SUDS3: variants seen among roughly 807,000 people sequenced by gnomAD.
The protein encoded by SUDS3 is sin3 histone deacetylase corepressor complex component SDS3.
SUDS3 carries 23 observed loss-of-function variants against 53.5 expected under a neutral mutation model. The ratio of observed to expected loss-of-function variants is 0.43; its 90% CI spans 0.31 to 0.61. The LOEUF is 0.61. SUDS3 is among the 20% of genes least tolerant of loss of function. The probability of loss-of-function intolerance (pLI) is 0.10; values close to 1 mark genes in which losing one functional copy is unlikely to be tolerated. For synonymous variants in SUDS3, 150 were observed against 148.5 expected, an observed-to-expected ratio of 1.01 and a Z score of -0.08; for missense variants, 291 against 405.9, an observed-to-expected ratio of 0.72 and a Z score of 2.43.
intron 6 of SUDS3, among the ~76,000 whole-genome samples, chr12:118,398,665 C>CT: frequency 7.8e-6 from 1 of 128,490 alleles, no homozygotes. Flanking sequence ...ATGACATGCT[C>CT]TAAGATCCTG....
chr12:118,377,995 G>A (rs973388355), intron 1 of SUDS3, among the ~76,000 whole-genome samples: 6 of 152,122 alleles, frequency 3.9e-5, no homozygotes, highest in African/African-American at 1.2e-4. Context: ...CAAAGTTGAG[G>A]GACTGCATTC....
rs2046404971 is a variant in SUDS3, at chr12:118,416,819, A to T, written c.*2386A>T. On this transcript the variant is annotated 3_prime_UTR_variant, in exon 12 of 12. Transcript: ENST00000543473. The stretch of plus-strand genomic sequence containing the variant: ...CTAGACGAGAAGGAGGCTAGCTTCT[A>T]GCCTGGGTGGCCATTATTCCAAAAG... 6.6e-6 allele frequency: 1 copy of T among 152,228 alleles called. No individual in the cohort carries two copies. The highest frequency in any genetic ancestry group is 1.5e-5 in the Non-Finnish European group (1 of 68,032). 9.4% of individuals were successfully genotyped at this position (152,228 alleles called of 1,614,324 possible).
Position 118,376,581 on chromosome 12 carries a change from T to A in SUDS3, c.-111T>A. The A allele has an allele frequency of 1.6e-6, 2 of 1,233,588 alleles. No homozygotes were observed. The highest frequency in any genetic ancestry group is 2.0e-6 in the Non-Finnish European group (2 of 981,800). The allele number at this position is 1,233,588 out of a possible 1,614,324, so 76.4% of individuals were successfully genotyped here. A position where few individuals can be genotyped will look rare whatever the true frequency, so the allele number is the denominator to read the frequency against. On this transcript the variant is annotated 5_prime_UTR_variant, in exon 1 of 12. Coordinates refer to ENST00000543473, the MANE Select transcript of SUDS3 (RefSeq NM_022491.3). ...GAGACGGGGAAGGGGTCGCCGTGGCTGCCGGTCCTCGAGTTGGGGGCTGCC... is the reference window on the plus strand; with the variant it reads ...GAGACGGGGAAGGGGTCGCCGTGGCAGCCGGTCCTCGAGTTGGGGGCTGCC...
At chr12:118,385,124 T>C (rs1460101354) in intron 3 of SUDS3, among the ~76,000 whole-genome samples, 2 of 152,044 alleles carry the variant, frequency 1.3e-5, no homozygotes, top group African/African-American at 4.8e-5. Context: ...TTTTTTTTTT[T>C]TCGAGGCTGA....
At chr12:118,385,240 C>T (rs556784710) in intron 3 of SUDS3, among the ~76,000 whole-genome samples, 1 of 152,224 alleles carries the variant, frequency 6.6e-6, no homozygotes, top group South Asian at 2.1e-4. Flanking sequence ...TCCCGAGTAG[C>T]TGGGATTACA....
chr12:118,411,605 C>T (rs1050492922), intron 11 of SUDS3, among the ~76,000 whole-genome samples: 7 of 152,182 alleles, frequency 4.6e-5, no homozygotes, highest in African/African-American at 1.4e-4. Context: ...TCAAGTGATT[C>T]TCCTGCCTCA....
chr12:118,396,689 G>C lies in SUDS3; in HGVS notation c.518-3970G>C, dbSNP rs1357067708. Among the ~76,000 whole-genome samples, 5 of 152,340 alleles carry C rather than the reference G, an allele frequency of 3.3e-5. No individual in the cohort carries two copies. The South Asian group carries it at 1.0e-3, about 32-fold the overall frequency. On this transcript the variant is annotated intron_variant, in intron 6 of 11. Coordinates refer to ENST00000543473, the MANE Select transcript of SUDS3 (RefSeq NM_022491.3). Reference sequence around the variant, plus strand: ...TTCCTGCCGTTGTACACTATAGGCAGGTATGCTGTTGGAAATGAATGAATG... The same window carrying C: ...TTCCTGCCGTTGTACACTATAGGCACGTATGCTGTTGGAAATGAATGAATG...
Position 118,403,537 on chromosome 12 carries a change from G to A in SUDS3, c.803+20G>A. 3 of 1,592,004 alleles carry A rather than the reference G, an allele frequency of 1.9e-6. No individual in the cohort carries two copies. The highest frequency in any genetic ancestry group is 1.7e-6 in the Non-Finnish European group (2 of 1,165,142). ...AAGATGGTATGTTATGGGAAAACCT[G>A]GACTAGTAAGAGTCTCATATGAACC... On this transcript the variant is annotated intron_variant, in intron 10 of 11. Transcript: ENST00000543473.
intron 6 of SUDS3, among the ~76,000 whole-genome samples, chr12:118,392,866 A>G (rs541455242): frequency 1.3e-5 from 2 of 152,352 alleles, no homozygotes; most frequent in East Asian, 3.9e-4. Context: ...TTGACAAGCG[A>G]TAGACATTGT....
intron 6 of SUDS3, among the ~76,000 whole-genome samples, chr12:118,393,827 C>T (rs865870011): frequency 1.3e-5 from 2 of 151,908 alleles, no homozygotes; most frequent in African/African-American, 2.4e-5. Context: ...TGCACCACCA[C>T]GCCCGGCTAA....
chr12:118,407,125 CCTGAG>C (rs1443705236), intron 10 of SUDS3, among the ~76,000 whole-genome samples: 1 of 152,054 alleles, frequency 6.6e-6, no homozygotes, highest in East Asian at 1.9e-4. Flanking sequence ...TCCTCAAACT[CCTGAG>C]CTGAAGTGAT....
intron 10 of SUDS3, among the ~76,000 whole-genome samples, chr12:118,405,868 C>T (rs1022509490): frequency 6.6e-6 from 1 of 152,148 alleles, no homozygotes; most frequent in Non-Finnish European, 1.5e-5. Context: ...GCTGAGAGGT[C>T]AGCTACATTG....
chr12:118,383,266 A>G (rs1350213002), intron 2 of SUDS3, among the ~76,000 whole-genome samples: 1 of 152,208 alleles, frequency 6.6e-6, no homozygotes, highest in African/African-American at 2.4e-5. Flanking sequence ...TGTTTTTATC[A>G]CTGTTAAATT....
intron 6 of SUDS3, among the ~76,000 whole-genome samples, chr12:118,393,080 T>C (rs2046182267): frequency 6.6e-6 from 1 of 152,174 alleles, no homozygotes; most frequent in Non-Finnish European, 1.5e-5. Flanking sequence ...TTTGATACCC[T>C]TGGTATGGAA....
intron 1 of SUDS3, among the ~76,000 whole-genome samples, chr12:118,379,054 C>T (rs2046029774): frequency 6.6e-6 from 1 of 151,382 alleles, no homozygotes; most frequent in Non-Finnish European, 1.5e-5. Flanking sequence ...TCAGGTGATT[C>T]TCCTGCTTTG....
intron 6 of SUDS3, among the ~76,000 whole-genome samples, chr12:118,392,516 C>T (rs2046176547): frequency 6.6e-6 from 1 of 152,166 alleles, no homozygotes; most frequent in Non-Finnish European, 1.5e-5. Context: ...CTGAAAGCAG[C>T]TCAGAAATGT....
At chr12:118,386,506 C>T (rs139496571) in intron 4 of SUDS3, among the ~76,000 whole-genome samples, 10 of 151,220 alleles carry the variant, frequency 6.6e-5, no homozygotes, top group East Asian at 1.9e-4. Flanking sequence ...GTCAGAAGTG[C>T]GGATGAGGAA....
chr12:118,401,680 A>G (rs1352013190), intron 7 of SUDS3, 79 bp from the exon 8 acceptor site: 3 of 1,188,060 alleles, frequency 2.5e-6, no homozygotes, highest in Non-Finnish European at 3.7e-6. Context: ...TGTAAATTCT[A>G]AAATACTGGT....
chr12:118,396,904 A>AGGGGGTTCCTGTATCCATCAGGTTTCC (rs1340945268), intron 6 of SUDS3, among the ~76,000 whole-genome samples: 2 of 152,060 alleles, frequency 1.3e-5, no homozygotes, highest in East Asian at 3.9e-4. Flanking sequence ...GTGAGGGGTG[A>AGGGGGTTCCTGTATCCATCAGGTTTCC]GGGGGTTCCT....
Sources: allele counts gnomAD v4.1 joint callset (sites outside exome capture counted in the v4.1 genomes callset), GRCh38; gene constraint gnomAD v4.1.1; transcripts MANE v1.5; gene names NCBI Gene and HGNC (gene_info 2026-07-23, HGNC 2026-07-21).